Variants in SPTB observed in about 807,000 individuals in gnomAD.
SPTB encodes spectrin beta, erythrocytic.
In SPTB, 45 loss-of-function variants were observed where a neutral mutation model predicts 256.2. The observed-to-expected ratio is 0.18, with a 90% CI of 0.14 to 0.23. SPTB has a LOEUF of 0.23. SPTB is among the 10% of genes least tolerant of loss of function. SPTB has a pLI of 1.00. For synonymous variants in SPTB, 1,231 were observed against 1,243.1 expected (o/e 0.99, Z 0.21); for missense variants, 2,715 against 3,040.4 (o/e 0.89, Z 2.52).
rs1240372784 is a variant in SPTB at position 64,775,402 on chromosome 14, G to A, written c.4565C>T (p.Thr1522Ile). The change falls in exon 23 of 36, where the codon ACA becomes ATA. Residue 1522 changes from threonine (T) to isoleucine (I), a missense_variant and splice_region_variant. Thr to Ile is a moderately conservative substitution (Grantham distance 89). Around this residue, in one of 4 missense-constraint regions of SPTB, gnomAD observed 2,239 missense variants for 2,384.4 expected, o/e 0.94. Coordinates refer to ENST00000644917, the MANE Select transcript of SPTB (RefSeq NM_001355436.2). The surrounding 1 kb of genome is among the most constrained non-coding windows in gnomAD (Gnocchi z 5.0). ...TVQLFMKKNQTLQNEILGHTP... is the reference protein window; with the variant it reads ...TVQLFMKKNQILQNEILGHTP... ...ATGGCCCAGAATCTCATTCTGCAGTGTCTGCGGCCAGAAGGAAGGGCTCGG... is the reference window on the plus strand; with the variant it reads ...ATGGCCCAGAATCTCATTCTGCAGTATCTGCGGCCAGAAGGAAGGGCTCGG... 12 of 1,611,034 alleles carry A rather than the reference G, an allele frequency of 7.4e-6. No individual in the cohort carries two copies. Among genetic ancestry groups the A allele is most frequent in the Non-Finnish European group, 9.3e-6 (11 of 1,177,756 alleles).
At chr14:64,794,001 G>A in intron 13 of SPTB, 134 bp from the exon 14 acceptor site, 1 of 755,548 alleles carries the variant, frequency 1.3e-6, no homozygotes, top group Non-Finnish European at 2.1e-6. Flanking sequence ...GTTGGATGCA[G>A]GGGGGTCCCA....
chr14:64,810,506 G>A (rs912867368), intron 2 of SPTB, among the ~76,000 whole-genome samples: 10 of 152,024 alleles, frequency 6.6e-5, no homozygotes, highest in African/African-American at 2.4e-4. Context: ...ATGATGAAAC[G>A]CCGTCTCTAC....
rs1205472431 is a variant in SPTB, at chr14:64,785,792, A to G, written c.3721T>C (p.Tyr1241His). 6.2e-7 allele frequency: 1 copy of G among 1,613,980 alleles called. No individual in the cohort carries two copies. The highest frequency in any genetic ancestry group is 8.5e-7 in the Non-Finnish European group (1 of 1,180,000). ...GNKLVAEGNL[Y>H]SDKIKEKVQL... The stretch of plus-strand genomic sequence containing the variant: ...ACCTTCTCCTTGATCTTGTCTGAGT[A>G]TAGGTTTCCCTCAGCTACCAGCTTG... Residue 1241 changes from tyrosine (Y) to histidine (H), a missense_variant, in exon 17 of 36, where the codon TAC (tyrosine) becomes CAC (histidine). By Grantham distance (83) the Tyr-to-His change is moderately conservative. Transcript: ENST00000644917. This position sits in a 1 kb window ranked among gnomAD's most constrained non-coding sequence, Gnocchi z 4.4.
intron 2 of SPTB, 52 bp from the exon 3 acceptor site, chr14:64,805,142 G>A: frequency 6.2e-7 from 1 of 1,609,710 alleles, no homozygotes; most frequent in Non-Finnish European, 8.5e-7. Context: ...CAGGGTCAGT[G>A]TGACATGGGG....
intron 2 of SPTB, among the ~76,000 whole-genome samples, chr14:64,817,282 G>A (rs1279525524): frequency 6.6e-6 from 1 of 152,164 alleles, no homozygotes; most frequent in Non-Finnish European, 1.5e-5. Context: ...GGGGGCAGGG[G>A]GACAATCTCA....
intron 10 of SPTB, among the ~76,000 whole-genome samples, chr14:64,797,354 C>T (rs2082790193): frequency 1.3e-5 from 2 of 151,566 alleles, no homozygotes; most frequent in African/African-American, 4.8e-5. Context: ...CCTGTAGTCC[C>T]AGCTACTGAG....
At chr14:64,750,369 ATTT>A in intron 33 of SPTB, 3 of 452,514 alleles carry the variant, frequency 6.6e-6, no homozygotes, top group African/African-American at 4.1e-5. Context: ...ACATTTTCGC[ATTT>A]TTTTTTTTAC....
At chr14:64,800,669 C>T in intron 8 of SPTB, 87 bp downstream of exon 8, 1 of 1,198,636 alleles carries the variant, frequency 8.3e-7, no homozygotes, top group Non-Finnish European at 1.2e-6. Context: ...GTACTCTTCA[C>T]CCTTTCTTTG....
intron 1 of SPTB, among the ~76,000 whole-genome samples, chr14:64,856,390 C>A (rs2083873219): frequency 6.6e-6 from 1 of 152,194 alleles, no homozygotes; most frequent in African/African-American, 2.4e-5. Context: ...TCCTCTTCTT[C>A]CATGAGACTA....
At chr14:64,822,259 G>GAA (rs113454275) in intron 2 of SPTB, among the ~76,000 whole-genome samples, 21 of 132,946 alleles carry the variant, frequency 1.6e-4, no homozygotes, top group African/African-American at 4.3e-4. Flanking sequence ...AGGAGTTGGG[G>GAA]AAAAAAAAAA....
chr14:64,851,662 C>T (rs2083789082), intron 1 of SPTB, among the ~76,000 whole-genome samples: 1 of 152,166 alleles, frequency 6.6e-6, no homozygotes, highest in Non-Finnish European at 1.5e-5. Flanking sequence ...GGTACATATA[C>T]ACCATGGAAT....
At chr14:64,843,935 A>G (rs954783658) in intron 1 of SPTB, among the ~76,000 whole-genome samples, 3 of 152,220 alleles carry the variant, frequency 2.0e-5, no homozygotes, top group African/African-American at 7.2e-5. Flanking sequence ...GCTGTGCATT[A>G]GCCTATGTTC....
chr14:64,861,502 C>T (rs556881551), intron 1 of SPTB, among the ~76,000 whole-genome samples: 1 of 152,258 alleles, frequency 6.6e-6, no homozygotes, highest in South Asian at 2.1e-4. Flanking sequence ...GCTGCACTGA[C>T]CGGCTCCCCC....
chr14:64,796,765 A>T lies in SPTB; in HGVS notation c.1183-50T>A. 1.9e-6 allele frequency: 3 copies of T among 1,611,296 alleles called. No homozygotes were observed. Among genetic ancestry groups the T allele is most frequent in the Non-Finnish European group, 2.5e-6 (3 of 1,178,796 alleles). On this transcript the variant is annotated intron_variant, in intron 10 of 35. Transcript: ENST00000644917. This position sits in a 1 kb window ranked among gnomAD's most constrained non-coding sequence, Gnocchi z 4.1. ...TCTTGGGGCACAGGAGAAATGCCTC[A>T]CTTTGGGGGCTCCACCCCTTTCACC...
In SPTB at chr14:64,795,864, G is replaced by A. The variant is rs1024490139; in HGVS notation, c.1342-225C>T. Among the ~76,000 whole-genome samples the A allele has an allele frequency of 1.3e-5, 2 of 152,114 alleles. No individual in the cohort carries two copies. Among genetic ancestry groups the A allele is most frequent in the Non-Finnish European group, 2.9e-5 (2 of 68,014 alleles). On this transcript the variant is annotated intron_variant, in intron 11 of 35. Coordinates refer to ENST00000644917, the MANE Select transcript of SPTB (RefSeq NM_001355436.2). This position sits in a 1 kb window ranked among gnomAD's most constrained non-coding sequence, Gnocchi z 6.5. ...AGAGAAGTTCATGATTTTACTCCCC[G>A]TGCCACCCGCGTGGGAGATGCAGCC...
chr14:64,843,154 C>G lies in SPTB; in HGVS notation c.-51-20009G>C, dbSNP rs545952078. On this transcript the variant is annotated intron_variant, in intron 1 of 35. Coordinates refer to ENST00000644917, the MANE Select transcript of SPTB (RefSeq NM_001355436.2). ...CAGCGTTTACATGGGTACTGGCCAT[C>G]TTGCCCTTTTTGGGCATCTGTGTAG... 1.2e-4 allele frequency among the ~76,000 whole-genome samples: 19 copies of G among 152,348 alleles called. 1 individual carries two copies. Among genetic ancestry groups the G allele is most frequent in the Non-Finnish European group, 2.9e-5 (2 of 68,034 alleles).
At chr14:64,773,976 G>A (rs758665112) in intron 24 of SPTB, among the ~76,000 whole-genome samples, 20 of 152,292 alleles carry the variant, frequency 1.3e-4, no homozygotes, top group South Asian at 2.1e-4. Flanking sequence ...ACAAAACCTC[G>A]CAGCCCATGT....
In SPTB at chr14:64,823,075, A is replaced by G; in HGVS notation, c.20T>C (p.Phe7Ser). ...AGGTGGCTGGTTGCCCACATTTTCA[A>G]ACTCTGTGGCCGATGTCATGTCAGC... is the stretch of plus-strand genomic sequence containing the variant. MTSATE[F>S]ENVGNQPPYS... Residue 7 changes from phenylalanine (F) to serine (S), a missense_variant, in exon 2 of 36, where the codon TTT becomes TCT. This residue lies in a region of SPTB where 58 missense variants were observed against 67.9 expected (regional missense o/e 0.85). Transcript: ENST00000644917. This position sits in a 1 kb window ranked among gnomAD's most constrained non-coding sequence, Gnocchi z 6.5. 6.2e-7 allele frequency: 1 copy of G among 1,614,066 alleles called. No individual in the cohort carries two copies. The highest frequency in any genetic ancestry group is 8.5e-7 in the Non-Finnish European group (1 of 1,180,022).
Position 64,774,393 on chromosome 14 carries a change from G to T in SPTB, c.4973+4C>A. The T allele has an allele frequency of 6.3e-7, 1 of 1,586,040 alleles. No individual in the cohort carries two copies. On this transcript the variant is annotated splice_donor_region_variant and intron_variant, in intron 24 of 35. Coordinates refer to ENST00000644917, the MANE Select transcript of SPTB (RefSeq NM_001355436.2). ...GACCGAGTCACCACAGGGGGCGCAC[G>T]CACCCCTCAGGGTGGCCTGCAGACA...
Sources: allele counts gnomAD v4.1 joint callset (sites outside exome capture counted in the v4.1 genomes callset), GRCh38; gene constraint gnomAD v4.1.1; regional missense constraint gnomAD v4.1.1; non-coding constraint Gnocchi (gnomAD v3.1); transcripts MANE v1.5; gene names NCBI Gene and HGNC (gene_info 2026-07-23, HGNC 2026-07-21).